Variants in NEK1 observed in about 807,000 individuals in gnomAD.
NEK1 encodes the protein serine/threonine-protein kinase Nek1.
In NEK1, 137 loss-of-function variants were observed where a neutral mutation model predicts 182.1. That is an observed-to-expected ratio of 0.75 (90% CI 0.65 to 0.87). NEK1 has a LOEUF of 0.87. Among genes scored for constraint, NEK1 ranks in the 40% least tolerant of loss-of-function variants. The pLI is 0.00. For synonymous variants in NEK1, 513 were observed against 492.2 expected, an observed-to-expected ratio of 1.04 and a Z score of -0.56; for missense variants, 1,391 against 1,494.4, an observed-to-expected ratio of 0.93 and a Z score of 1.14.
chr4:169,412,216 A>G (rs867681807), intron 31 of NEK1, among the ~76,000 whole-genome samples: 30 of 152,312 alleles, frequency 2.0e-4, no homozygotes, highest in Middle Eastern at 3.4e-3. Flanking sequence ...CAACTCCACA[A>G]ATTCATCCTG....
At chr4:169,444,074 A>T (rs1359213303) in intron 27 of NEK1, among the ~76,000 whole-genome samples, 3 of 152,196 alleles carry the variant, frequency 2.0e-5, no homozygotes, top group Non-Finnish European at 4.4e-5. Context: ...AAATAAAAGG[A>T]CAGTATCTAA....
intron 11 of NEK1, among the ~76,000 whole-genome samples, chr4:169,579,961 T>C (rs1475451584): frequency 1.3e-5 from 2 of 152,160 alleles, no homozygotes; most frequent in African/African-American, 4.8e-5. Context: ...CCTTCACGTA[T>C]TAAATAACTT....
intron 19 of NEK1, among the ~76,000 whole-genome samples, chr4:169,512,699 A>G (rs28803273): frequency 0.088 from 13,341 of 151,816 alleles, 761 homozygotes; most frequent in African/African-American, 0.16. Flanking sequence ...TAGGTCCCCA[A>G]ATTTTCTTCT....
Position 169,605,412 on chromosome 4 carries a change from T to C in NEK1, c.-48-2734A>G, listed in dbSNP as rs149965991. ...CAACAAAAGACTTGTGGTAGATGACTTTCAGGAAAACAGACAAACTCTCCT... is the reference window on the plus strand; with the variant it reads ...CAACAAAAGACTTGTGGTAGATGACCTTCAGGAAAACAGACAAACTCTCCT... On this transcript the variant is annotated intron_variant, in intron 2 of 35. Transcript: ENST00000507142. Among the ~76,000 whole-genome samples, 15 of 152,314 alleles carry C rather than the reference T, an allele frequency of 9.8e-5. No homozygotes were observed. In the East Asian group the frequency reaches 2.9e-3, roughly 29 times the overall value.
intron 31 of NEK1, among the ~76,000 whole-genome samples, chr4:169,407,288 A>G (rs1205842221): frequency 6.6e-6 from 1 of 152,168 alleles, no homozygotes; most frequent in Non-Finnish European, 1.5e-5. Flanking sequence ...AAGTTTGGCT[A>G]AGCACCACCA....
At chr4:169,479,691 TGGGGATACAGCA>T (rs1747640056) in intron 23 of NEK1, among the ~76,000 whole-genome samples, 157 bp from the exon 24 acceptor site, 1 of 152,162 alleles carries the variant, frequency 6.6e-6, no homozygotes, top group Admixed American at 6.6e-5. Flanking sequence ...TGCTACATGC[TGGGGATACAGCA>T]GTGACTAGAG....
intron 27 of NEK1, among the ~76,000 whole-genome samples, chr4:169,458,781 T>C (rs1743385300): frequency 6.6e-6 from 1 of 150,604 alleles, no homozygotes; most frequent in Admixed American, 6.6e-5. Flanking sequence ...GTGAGCCATG[T>C]TGCAACACTG....
At chr4:169,453,915 C>T (rs1250494259) in intron 27 of NEK1, among the ~76,000 whole-genome samples, 1 of 152,100 alleles carries the variant, frequency 6.6e-6, no homozygotes, top group East Asian at 1.9e-4. Flanking sequence ...GTCTCCCTGA[C>T]CAAGATGGTC....
intron 23 of NEK1, among the ~76,000 whole-genome samples, chr4:169,498,639 T>G (rs997258148): frequency 3.0e-4 from 46 of 152,298 alleles, no homozygotes; most frequent in African/African-American, 7.0e-4. Context: ...GTCTGTAAAG[T>G]ATTTTATTTC....
At chr4:169,433,465 A>G (rs1296403893) in intron 29 of NEK1, 80 bp downstream of exon 29, 19 of 1,324,440 alleles carry the variant, frequency 1.4e-5, no homozygotes, top group Non-Finnish European at 1.8e-5. Flanking sequence ...ATGTTGCAAT[A>G]TTAGCTTATT....
chr4:169,435,835 C>T (rs1010903207), intron 28 of NEK1, among the ~76,000 whole-genome samples: 1 of 152,102 alleles, frequency 6.6e-6, no homozygotes, highest in African/African-American at 2.4e-5. Context: ...CTGAGCAATA[C>T]CAGTTGATGC....
At chr4:169,583,741 C>T (rs1363953117) in intron 10 of NEK1, among the ~76,000 whole-genome samples, 1 of 152,166 alleles carries the variant, frequency 6.6e-6, no homozygotes, top group African/African-American at 2.4e-5. Context: ...TAAAAGTGTC[C>T]TCGCAAACGT....
intron 2 of NEK1, among the ~76,000 whole-genome samples, chr4:169,607,217 A>T (rs1007014803): frequency 4.6e-5 from 7 of 152,248 alleles, no homozygotes. Context: ...CAATTTTTAC[A>T]AGATACATGT....
intron 18 of NEK1, among the ~76,000 whole-genome samples, chr4:169,545,530 T>C (rs373378301): frequency 0.17 from 25,712 of 149,304 alleles, 2,795 homozygotes; most frequent in South Asian, 0.3. Flanking sequence ...TGTGTCTTTA[T>C]AGCAGCATGA....
intron 23 of NEK1, among the ~76,000 whole-genome samples, chr4:169,501,098 G>A (rs1752344279): frequency 6.6e-6 from 1 of 152,198 alleles, no homozygotes; most frequent in Admixed American, 6.5e-5. Flanking sequence ...ATCAGGGCTT[G>A]CTACTCTTGT....
intron 27 of NEK1, among the ~76,000 whole-genome samples, chr4:169,454,828 G>A (rs1579792112): frequency 6.6e-6 from 1 of 152,062 alleles, no homozygotes; most frequent in Admixed American, 6.6e-5. Flanking sequence ...CCCATTACTG[G>A]GTATACACCC....
chr4:169,485,016 A>C (rs1748784307), intron 23 of NEK1, among the ~76,000 whole-genome samples: 1 of 152,244 alleles, frequency 6.6e-6, no homozygotes, highest in Non-Finnish European at 1.5e-5. Context: ...AAGTTTCAGA[A>C]TGCAAGTTTC....
At position 169,486,779 on chromosome 4, in the gene NEK1, A is replaced by G. The variant is rs76485730; in HGVS notation, c.2008-7245T>C. Among the ~76,000 whole-genome samples, 603 of 152,360 alleles carry G rather than the reference A, an allele frequency of 4.0e-3. 1 individual carries two copies. The Middle Eastern group carries it at 0.051, about 13-fold the overall frequency. On this transcript the variant is annotated intron_variant, in intron 23 of 35. Transcript: ENST00000507142. ...TGGGGAGCCTTACAGGCGTGCATGG[A>G]AAGTCTAAAAATAAGACAAAGATGG...
chr4:169,527,980 G>A (rs1757135243), intron 19 of NEK1, among the ~76,000 whole-genome samples: 1 of 151,902 alleles, frequency 6.6e-6, no homozygotes, highest in African/African-American at 2.4e-5. Flanking sequence ...AAAGTAAAAG[G>A]AAACAAGATA....
Sources: allele counts gnomAD v4.1 joint callset (sites outside exome capture counted in the v4.1 genomes callset), GRCh38; gene constraint gnomAD v4.1.1; transcripts MANE v1.5; gene names NCBI Gene and HGNC (gene_info 2026-07-23, HGNC 2026-07-21).